Variants in ZNF350 observed in about 807,000 individuals in gnomAD.
ZNF350 encodes zinc finger protein 350.
ZNF350 carries 5 observed loss-of-function variants against 13.1 expected under a neutral mutation model. The ratio of observed to expected loss-of-function variants is 0.38; its 90% CI spans 0.20 to 0.80. ZNF350 has a LOEUF of 0.80. Among genes scored for constraint, ZNF350 ranks in the 30% least tolerant of loss-of-function variants. ZNF350 has a pLI of 0.43. For missense variants in ZNF350, 534 were observed against 644.2 expected, an observed-to-expected ratio of 0.83 and a Z score of 1.85; for synonymous variants, 199 against 224.2, an observed-to-expected ratio of 0.89 and a Z score of 1.00.
intron 1 of ZNF350, among the ~76,000 whole-genome samples, chr19:51,984,504 CA>C (rs996904767): frequency 5.3e-5 from 8 of 152,162 alleles, no homozygotes; most frequent in Admixed American, 5.2e-4. Flanking sequence ...TATGAAGCAG[CA>C]ATTTTCCTCC....
In ZNF350 at chr19:51,968,647, G is replaced by A. The variant is rs1207028488; in HGVS notation, c.169C>T (p.Leu57Phe). 6.2e-7 allele frequency: 1 copy of A among 1,614,038 alleles called. No homozygotes were observed. Among genetic ancestry groups the A allele is most frequent in the East Asian group, 2.2e-5 (1 of 44,894 alleles). The change falls in exon 4 of 5, where the codon CTC (leucine) becomes TTC (phenylalanine). Residue 57 changes from leucine (L) to phenylalanine (F), a missense_variant. Leu to Phe is a conservative substitution (Grantham distance 22, BLOSUM62 0). Coordinates refer to ENST00000243644, the MANE Select transcript of ZNF350 (RefSeq NM_021632.4). ...VGYQASKPDA[L>F]FKLEQGEQLW... The stretch of plus-strand genomic sequence containing the variant: ...TGTTCTCCTTGTTCCAACTTGAAGA[G>A]TGCATCCGGTTTGCTGGCTTGATAC...
chr19:51,979,564 T>G (rs1453333094), intron 1 of ZNF350, among the ~76,000 whole-genome samples: 1 of 152,210 alleles, frequency 6.6e-6, no homozygotes, highest in African/African-American at 2.4e-5. Context: ...AAAAATTATG[T>G]ACTTATTAGG....
chr19:51,981,194 G>A (rs1287988970), intron 1 of ZNF350: 1 of 152,168 alleles, frequency 6.6e-6, no homozygotes, highest in Non-Finnish European at 1.5e-5. Context: ...GTTATCTACT[G>A]CGACATCTAG....
At chr19:51,970,610 T>C (rs189232641) in intron 2 of ZNF350, among the ~76,000 whole-genome samples, 2 of 152,270 alleles carry the variant, frequency 1.3e-5, no homozygotes, top group East Asian at 3.9e-4. Context: ...TCTGATGGAC[T>C]AATTATAAAC....
chr19:51,971,190 A>C (rs543018992), intron 2 of ZNF350, among the ~76,000 whole-genome samples: 7 of 152,348 alleles, frequency 4.6e-5, no homozygotes, highest in Non-Finnish European at 8.8e-5. Flanking sequence ...TCATTTTATT[A>C]CAGAGGCCAG....
At position 51,966,227 on chromosome 19, in the gene ZNF350, G is replaced by A; in HGVS notation, c.239-13C>T. On this transcript the variant is annotated splice_polypyrimidine_tract_variant and intron_variant, in intron 4 of 4. Transcript: ENST00000243644. ...ACTTTCCATATGTCTAGAAAGAAAA[G>A]AACAAAGATTTCTATCATTTAGATT... 6.5e-7 allele frequency: 1 copy of A among 1,534,656 alleles called. No homozygotes were observed.
rs146783196 is a variant in ZNF350, at chr19:51,966,209, A to T, written c.244T>A (p.Trp82Arg). ...CGCTCCAGCACATGATCAACTTTCC[A>T]TATGTCTAGAAAGAAAAGAACAAAG... ...GIHSGACSDI[W>R]KVDHVLERLQ... The change falls in exon 5 of 5, where the codon TGG (tryptophan) becomes AGG (arginine). Residue 82 changes from tryptophan (W) to arginine (R), a missense_variant. Coordinates refer to ENST00000243644, the MANE Select transcript of ZNF350 (RefSeq NM_021632.4). The T allele has an allele frequency of 6.4e-7, 1 of 1,563,526 alleles. No homozygotes were observed. The highest frequency in any genetic ancestry group is 1.4e-5 in the African/African-American group (1 of 72,544).
Position 51,965,946 on chromosome 19 carries a change from A to G in ZNF350, c.507T>C (p.His169=), listed in dbSNP as rs540602681. 6.2e-7 allele frequency: 1 copy of G among 1,614,102 alleles called. No homozygotes were observed. Among genetic ancestry groups the G allele is most frequent in the East Asian group, 2.2e-5 (1 of 44,868 alleles). Residue 169 remains histidine (H), a synonymous_variant, in exon 5 of 5, where the codon CAT becomes CAC. Coordinates refer to ENST00000243644, the MANE Select transcript of ZNF350 (RefSeq NM_021632.4). ...ATTTAATTGCAGTATGAAGTCGTTC[A>G]TGGTTAGCATGAAGAAAGGAGTCCC... ...GNGDSFLHAN[H]ERLHTAIKFP... is the part of the protein sequence containing the mutation.
chr19:51,971,060 A>G (rs1210942646), intron 2 of ZNF350, among the ~76,000 whole-genome samples: 1 of 152,206 alleles, frequency 6.6e-6, no homozygotes, highest in African/African-American at 2.4e-5. Context: ...GACAATTAAG[A>G]CTACTTATCA....
intron 4 of ZNF350, among the ~76,000 whole-genome samples, chr19:51,967,053 C>T (rs2085601631): frequency 6.6e-6 from 1 of 151,936 alleles, no homozygotes; most frequent in Non-Finnish European, 1.5e-5. Context: ...TGCACATTGG[C>T]AAAAAGTAAT....
intron 1 of ZNF350, chr19:51,981,144 A>G (rs537940189): frequency 1.3e-4 from 20 of 152,352 alleles, no homozygotes; most frequent in African/African-American, 4.6e-4. Flanking sequence ...GCTCCTGCCA[A>G]CATAAGGTTT....
chr19:51,966,627 C>T (rs1365363837), intron 4 of ZNF350, among the ~76,000 whole-genome samples: 1 of 150,946 alleles, frequency 6.6e-6, no homozygotes, highest in African/African-American at 2.4e-5. Context: ...TCCCGGCTCA[C>T]AGCCAAAGTA....
chr19:51,981,905 A>G (rs2086055027), intron 1 of ZNF350: 3 of 152,212 alleles, frequency 2.0e-5, no homozygotes, highest in Non-Finnish European at 4.4e-5. Flanking sequence ...CAGACCATCA[A>G]CAAACAAAAT....
intron 2 of ZNF350, chr19:51,973,584 A>G (rs2085805559): frequency 6.6e-6 from 1 of 152,216 alleles, no homozygotes; most frequent in Non-Finnish European, 1.5e-5. Context: ...CTACAAGGTG[A>G]AAGTCTAAAG....
Position 51,965,119 on chromosome 19 carries a change from A to G in ZNF350, c.1334T>C (p.Leu445Ser). Reference protein sequence around the residue: ...ENPPAERHSSLHTSDVMQEKN... With the variant: ...ENPPAERHSSSHTSDVMQEKN... The stretch of plus-strand genomic sequence containing the variant: ...CTCCTGCATGACATCACTGGTGTGT[A>G]ATGAGCTGTGCCTCTCTGCAGGAGG... The change falls in exon 5 of 5, where the codon TTA becomes TCA. Residue 445 changes from leucine to serine, a missense_variant. By Grantham distance (145) the Leu-to-Ser change is moderately radical. Transcript: ENST00000243644. The G allele has an allele frequency of 6.2e-7, 1 of 1,614,160 alleles. No homozygotes were observed. The highest frequency in any genetic ancestry group is 8.5e-7 in the Non-Finnish European group (1 of 1,180,018).
chr19:51,971,288 A>G (rs1460940940), intron 2 of ZNF350, among the ~76,000 whole-genome samples: 7 of 152,184 alleles, frequency 4.6e-5, no homozygotes, highest in Admixed American at 4.6e-4. Context: ...ATCTATTTGG[A>G]AAAAAGTAAA....
intron 2 of ZNF350, among the ~76,000 whole-genome samples, chr19:51,969,420 T>C (rs1024508958): frequency 2.0e-4 from 30 of 152,006 alleles, no homozygotes; most frequent in Non-Finnish European, 4.1e-4. Context: ...TATGAATATA[T>C]GTACATATAT....
At chr19:51,975,215 T>C (rs1382557903) in intron 1 of ZNF350, among the ~76,000 whole-genome samples, 1 of 152,190 alleles carries the variant, frequency 6.6e-6, no homozygotes, top group Non-Finnish European at 1.5e-5. Flanking sequence ...ACGCCTGTAA[T>C]CCCAGCACTT....
chr19:51,980,256 C>T (rs2086000294), intron 1 of ZNF350, among the ~76,000 whole-genome samples: 1 of 152,156 alleles, frequency 6.6e-6, no homozygotes, highest in Admixed American at 6.5e-5. Context: ...GGGTTGCATC[C>T]CTGGGCTATG....
Sources: allele counts gnomAD v4.1 joint callset (sites outside exome capture counted in the v4.1 genomes callset), GRCh38; gene constraint gnomAD v4.1.1; transcripts MANE v1.5; gene names NCBI Gene and HGNC (gene_info 2026-07-23, HGNC 2026-07-21).